The following CAPZA1 variants were observed in gnomAD, a reference collection of about 807,000 sequenced individuals.
CAPZA1 encodes F-actin-capping protein subunit alpha-1.
In CAPZA1, 10 loss-of-function variants were observed where a neutral mutation model predicts 40.8. The observed-to-expected ratio is 0.25, with a 90% CI of 0.15 to 0.42. The LOEUF is 0.42. Ranked by LOEUF, CAPZA1 falls within the 10% of genes least tolerant of loss-of-function variation. The pLI, the probability that CAPZA1 is intolerant of heterozygous loss-of-function variation, is 1.00. For synonymous variants in CAPZA1, 98 were observed against 115.0 expected, an observed-to-expected ratio of 0.85 and a Z score of 0.95; for missense variants, 277 against 353.8, an observed-to-expected ratio of 0.78 and a Z score of 1.74.
chr1:112,623,881 C>T (rs1191055394), intron 1 of CAPZA1, among the ~76,000 whole-genome samples: 4 of 150,814 alleles, frequency 2.7e-5, no homozygotes, highest in African/African-American at 7.3e-5. Flanking sequence ...TGGCAGGTGC[C>T]TGTAGTCCCA....
rs377292807 is a variant in CAPZA1, at chr1:112,619,854, T to C, written c.10T>C (p.Phe4Leu). The C allele has an allele frequency of 1.9e-6, 3 of 1,613,252 alleles. No homozygotes were observed. Among genetic ancestry groups the C allele is most frequent in the East Asian group, 2.2e-5 (1 of 44,844 alleles). Residue 4 changes from phenylalanine to leucine, a missense_variant, in exon 1 of 10, where the codon TTC becomes CTC. Transcript: ENST00000263168. MADFDDRVSDEEKV... is the reference protein window; with the variant it reads MADLDDRVSDEEKV... ...GCCAGAACAGCCCAAGATGGCCGACTTCGATGATCGTGTGTCGGATGAGGA... is the reference window on the plus strand; with the variant it reads ...GCCAGAACAGCCCAAGATGGCCGACCTCGATGATCGTGTGTCGGATGAGGA...
chr1:112,649,650 C>A, intron 3 of CAPZA1, 181 bp downstream of exon 3: 1 of 607,962 alleles, frequency 1.6e-6, no homozygotes, highest in Non-Finnish European at 2.9e-6. Context: ...TGTTTACTTC[C>A]TCAAAGCTTA....
chr1:112,660,019 T>C (rs1208041172), intron 7 of CAPZA1, among the ~76,000 whole-genome samples: 1 of 151,886 alleles, frequency 6.6e-6, no homozygotes. Context: ...AATGGTAACA[T>C]AAGATATAAC....
chr1:112,669,331 T>G (rs1557739710), intron 8 of CAPZA1, among the ~76,000 whole-genome samples: 1 of 152,224 alleles, frequency 6.6e-6, no homozygotes, highest in Non-Finnish European at 1.5e-5. Flanking sequence ...AAGAGGATTC[T>G]GTTTTCTCAT....
At chr1:112,662,395 C>CTTTTT (rs35100851) in intron 7 of CAPZA1, among the ~76,000 whole-genome samples, 38 of 97,256 alleles carry the variant, frequency 3.9e-4, no homozygotes, top group Non-Finnish European at 5.6e-4. Context: ...TAGAATTTTT[C>CTTTTT]TTTTTTTTTT....
In CAPZA1 at chr1:112,669,488, A is replaced by G. The variant is rs377075296; in HGVS notation, c.658-55A>G. The stretch of plus-strand genomic sequence containing the variant: ...AAGATGGACTTACTTTCAGGATCTT[A>G]CTGCTTACACATTAAAAAAAAATCT... On this transcript the variant is annotated intron_variant, in intron 8 of 9. Coordinates refer to ENST00000263168, the MANE Select transcript of CAPZA1 (RefSeq NM_006135.3). 3.7e-4 allele frequency: 438 copies of G among 1,194,208 alleles called. 1 individual carries two copies. Among genetic ancestry groups the G allele is most frequent in the Non-Finnish European group, 5.2e-4 (418 of 801,244 alleles). 74.0% of individuals were successfully genotyped at this position (1,194,208 alleles called of 1,614,324 possible).
intron 1 of CAPZA1, among the ~76,000 whole-genome samples, chr1:112,633,070 TA>T (rs1670952175): frequency 6.6e-6 from 1 of 152,246 alleles, no homozygotes; most frequent in Non-Finnish European, 1.5e-5. Flanking sequence ...TTTAGAATTT[TA>T]AGAAACACAG....
rs1342221344 is a variant in CAPZA1, at chr1:112,670,017, C to A, written c.746C>A (p.Thr249Lys). The change falls in exon 10 of 10, where the codon ACA becomes AAA. Residue 249 changes from threonine to lysine, a missense_variant. Thr to Lys is a moderately conservative substitution (Grantham distance 78, BLOSUM62 -1). Around this residue, in one of 2 missense-constraint regions of CAPZA1, gnomAD observed 192 missense variants for 277.2 expected, o/e 0.69. Transcript: ENST00000263168. ...ACAGCAATTAGTGAAAACTATCAAA[C>A]AATGTCAGATACCACATTCAAGGCC... ...YQTAISENYQ[T>K]MSDTTFKALR... The A allele has an allele frequency of 6.2e-7, 1 of 1,613,850 alleles. No individual in the cohort carries two copies. Among genetic ancestry groups the A allele is most frequent in the Non-Finnish European group, 8.5e-7 (1 of 1,179,806 alleles).
rs764644496 is a variant in CAPZA1 at position 112,654,491 on chromosome 1, G to A, written c.246G>A (p.Leu82=). The change falls in exon 5 of 10, where the codon CTG becomes CTA. Residue 82 remains leucine (L), a synonymous_variant. Coordinates refer to ENST00000263168, the MANE Select transcript of CAPZA1 (RefSeq NM_006135.3). ...TCTTAATTACAGAGCACGGTGACCT[G>A]GGTAATAGCAGATTTTTAGATCCAA... ...DQVLITEHGD[L]GNSRFLDPRN... The A allele has an allele frequency of 6.8e-6, 11 of 1,613,520 alleles. No homozygotes were observed. In the South Asian group the frequency reaches 9.9e-5, roughly 14 times the overall value.
intron 1 of CAPZA1, among the ~76,000 whole-genome samples, chr1:112,644,662 C>G (rs950644993): frequency 6.6e-6 from 1 of 152,042 alleles, no homozygotes; most frequent in African/African-American, 2.4e-5. Context: ...CTTCTTTGCC[C>G]TACCTTAGGG....
intron 1 of CAPZA1, chr1:112,620,359 AG>A (rs1372638700): frequency 6.5e-6 from 1 of 153,492 alleles, no homozygotes; most frequent in East Asian, 1.9e-4. Context: ...CTCCTTCCTC[AG>A]GAAGTGATTT....
chr1:112,653,858 C>T (rs1242204459), intron 4 of CAPZA1, among the ~76,000 whole-genome samples, 197 bp downstream of exon 4: 1 of 152,158 alleles, frequency 6.6e-6, no homozygotes, highest in African/African-American at 2.4e-5. Context: ...GGAGAGCAGC[C>T]TCTTAACAAG....
intron 7 of CAPZA1, among the ~76,000 whole-genome samples, chr1:112,660,233 A>G (rs1671578725): frequency 6.6e-6 from 1 of 151,876 alleles, no homozygotes; most frequent in Non-Finnish European, 1.5e-5. Flanking sequence ...GTTTTGGAAT[A>G]TAAATAGCCA....
intron 7 of CAPZA1, among the ~76,000 whole-genome samples, chr1:112,660,098 G>A (rs1003720462): frequency 6.6e-6 from 1 of 151,512 alleles, no homozygotes. Context: ...TTATTTTTTG[G>A]GACAGAGTTT....
intron 1 of CAPZA1, among the ~76,000 whole-genome samples, chr1:112,622,600 C>T (rs530579103): frequency 6.6e-6 from 1 of 152,292 alleles, no homozygotes; most frequent in Non-Finnish European, 1.5e-5. Flanking sequence ...AAAAGTGTGA[C>T]TAGCATATTT....
At chr1:112,656,440 ATTTTTTTTTTTTT>A (rs56343358) in intron 5 of CAPZA1, among the ~76,000 whole-genome samples, 3 of 45,754 alleles carry the variant, frequency 6.6e-5, no homozygotes, top group African/African-American at 8.7e-5. Flanking sequence ...ATTATGTTTG[ATTTTTTTTTTTTT>A]TTTTTTTTTT....
intron 1 of CAPZA1, among the ~76,000 whole-genome samples, chr1:112,645,468 T>C (rs909768584): frequency 2.0e-5 from 3 of 151,678 alleles, no homozygotes; most frequent in Non-Finnish European, 4.4e-5. Flanking sequence ...CTGCAGAAAA[T>C]TAAAATTTTT....
intron 1 of CAPZA1, among the ~76,000 whole-genome samples, chr1:112,623,713 C>T (rs1001521100): frequency 8.1e-5 from 12 of 148,792 alleles, no homozygotes; most frequent in African/African-American, 2.5e-4. Flanking sequence ...AAAGCCCGGG[C>T]GCGGTGGTTC....
intron 1 of CAPZA1, among the ~76,000 whole-genome samples, chr1:112,630,681 C>T (rs1411420175): frequency 6.6e-6 from 1 of 152,048 alleles, no homozygotes; most frequent in Non-Finnish European, 1.5e-5. Context: ...CATTGTGTCC[C>T]ATGCTGGTCT....
Sources: gnomAD v4.1 joint callset for allele counts (sites outside exome capture counted in the v4.1 genomes callset) on GRCh38, gnomAD v4.1.1 for gene constraint, gnomAD v4.1.1 regional missense constraint, MANE v1.5 for transcripts, NCBI Gene and HGNC (gene_info 2026-07-23, HGNC 2026-07-21) for gene names.